Variants in RARB observed in about 807,000 individuals in gnomAD.
RARB encodes the protein HBV-activated protein.
Under a neutral mutation model 51.9 loss-of-function variants are expected in RARB, and 17 were observed. The observed-to-expected ratio is 0.33, with a 90% CI of 0.22 to 0.49. RARB has a LOEUF of 0.49. RARB is among the 20% of genes least tolerant of loss of function. The probability of loss-of-function intolerance (pLI) is 0.99; values close to 1 mark genes in which losing one functional copy is unlikely to be tolerated. For synonymous variants in RARB, 215 were observed against 195.4 expected, an observed-to-expected ratio of 1.10 and a Z score of -0.84; for missense variants, 369 against 550.8, an observed-to-expected ratio of 0.67 and a Z score of 3.30.
intron 4 of RARB, among the ~76,000 whole-genome samples, chr3:25,163,504 A>AAAAAAAAAAAATATATATATATATAT (rs1303712411): frequency 7.6e-6 from 1 of 131,096 alleles, no homozygotes; most frequent in African/African-American, 3.2e-5. Flanking sequence ...CCTATCTCAA[A>AAAAAAAAAAAATATATATATATATAT]ATATATATAT....
Position 25,519,593 on chromosome 3 carries a change from G to A in RARB, c.448+18270G>A, listed in dbSNP as rs1698316927. ...TATAAAACAAAATTATGCACAGTTT[G>A]ATCTCATATTTGTAACAACACATAA... On this transcript the variant is annotated intron_variant, in intron 3 of 7. Coordinates refer to ENST00000330688, the MANE Select transcript of RARB (RefSeq NM_000965.5). Among the ~76,000 whole-genome samples the A allele has an allele frequency of 2.6e-5, 4 of 152,210 alleles. No individual in the cohort carries two copies. The South Asian group carries it at 8.3e-4, about 32-fold the overall frequency.
At chr3:25,345,884 G>A in intron 5 of RARB, 4 of 912,814 alleles carry the variant, frequency 4.4e-6, no homozygotes, top group Non-Finnish European at 5.2e-6. Flanking sequence ...CACTAAATAT[G>A]TATAATTATC....
intron 5 of RARB, among the ~76,000 whole-genome samples, chr3:25,289,553 G>C (rs757042362): frequency 2.0e-5 from 3 of 152,214 alleles, no homozygotes; most frequent in Non-Finnish European, 2.9e-5. Flanking sequence ...TTTGGCAAAA[G>C]AGGATTCTGT....
chr3:25,165,026 A>C (rs1260096319), intron 4 of RARB, among the ~76,000 whole-genome samples: 2 of 152,294 alleles, frequency 1.3e-5, no homozygotes, highest in South Asian at 2.1e-4. Flanking sequence ...TAAAAGGGGC[A>C]GTTAAGTACT....
intron 3 of RARB, among the ~76,000 whole-genome samples, chr3:25,090,216 T>A (rs1012186674): frequency 6.6e-6 from 1 of 152,104 alleles, no homozygotes; most frequent in African/African-American, 2.4e-5. Context: ...AAGAACTTCA[T>A]TCAAAATAAA....
intron 5 of RARB, among the ~76,000 whole-genome samples, chr3:25,247,235 A>T (rs1290336993): frequency 6.6e-6 from 1 of 152,236 alleles, no homozygotes; most frequent in Non-Finnish European, 1.5e-5. Context: ...TATTCAAGCC[A>T]GTGGGTCTTA....
intron 3 of RARB, among the ~76,000 whole-genome samples, chr3:25,537,678 A>C (rs1009404811): frequency 5.3e-5 from 8 of 152,126 alleles, no homozygotes; most frequent in Non-Finnish European, 1.2e-4. Context: ...TATGGGCCCA[A>C]CTCTGAATCA....
chr3:24,897,871 C>T (rs1703512317), intron 2 of RARB, among the ~76,000 whole-genome samples: 1 of 151,872 alleles, frequency 6.6e-6, no homozygotes, highest in Non-Finnish European at 1.5e-5. Context: ...TTGTGAATTG[C>T]CAAGAAGACA....
In RARB at chr3:24,849,449, C is replaced by T. The variant is rs376509172; in HGVS notation, c.-458-9225C>T. On this transcript the variant is annotated intron_variant, in intron 1 of 11. Coordinates refer to the RARB transcript ENST00000383772. ...TCGCTACTTATGTTCTATAAAGTCA[C>T]CAAGATTGCTGCCTTAGCAAATATA... 9.8e-5 allele frequency among the ~76,000 whole-genome samples: 15 copies of T among 152,350 alleles called. No homozygotes were observed. The South Asian group carries it at 2.7e-3, about 27-fold the overall frequency.
chr3:25,075,564 AG>A (rs1698855274), intron 3 of RARB, among the ~76,000 whole-genome samples: 1 of 152,066 alleles, frequency 6.6e-6, no homozygotes, highest in Non-Finnish European at 1.5e-5. Flanking sequence ...CATTATAGCT[AG>A]GGGGAAATAT....
chr3:25,476,353 G>A (rs1695941629), intron 2 of RARB, among the ~76,000 whole-genome samples: 1 of 152,142 alleles, frequency 6.6e-6, no homozygotes, highest in Admixed American at 6.6e-5. Context: ...ACTGGATAAA[G>A]GGTCCCCTCC....
At position 25,230,432 on chromosome 3, in the gene RARB, A is replaced by T. The variant is rs184107201; in HGVS notation, c.178+55857A>T. Among the ~76,000 whole-genome samples the T allele has an allele frequency of 9.5e-3, 1,448 of 152,214 alleles. 9 individuals are homozygous for T. The highest frequency in any genetic ancestry group is 0.017 in the Middle Eastern group (5 of 294). Reference sequence around the variant, plus strand: ...CCAAATCTCAGGGAGCTAGAATGACATGAAGAAACAAGCATAATGTCCTAT... The same window carrying T: ...CCAAATCTCAGGGAGCTAGAATGACTTGAAGAAACAAGCATAATGTCCTAT... On this transcript the variant is annotated intron_variant, in intron 5 of 11. Coordinates refer to the RARB transcript ENST00000383772.
intron 5 of RARB, among the ~76,000 whole-genome samples, chr3:25,273,385 A>C (rs527578177): frequency 6.8e-4 from 103 of 152,284 alleles, no homozygotes; most frequent in Admixed American, 1.7e-3. Context: ...CACCTAATGG[A>C]AACTAAGGTG....
intron 3 of RARB, among the ~76,000 whole-genome samples, chr3:25,094,481 C>A (rs1483446679): frequency 6.6e-6 from 1 of 151,990 alleles, no homozygotes; most frequent in Admixed American, 6.6e-5. Flanking sequence ...CTTTGGGAGG[C>A]CAAGGTGGGT....
At chr3:25,355,456 A>G (rs570866177) in intron 5 of RARB, among the ~76,000 whole-genome samples, 1 of 152,258 alleles carries the variant, frequency 6.6e-6, no homozygotes, top group East Asian at 1.9e-4. Context: ...CACTTCAGTC[A>G]TAGCCCCTTA....
intron 3 of RARB, among the ~76,000 whole-genome samples, chr3:25,542,299 A>T (rs973923948): frequency 6.6e-6 from 1 of 152,236 alleles, no homozygotes; most frequent in African/African-American, 2.4e-5. Context: ...AAAATCTTTT[A>T]AAAAATGATT....
At chr3:25,249,770 G>A (rs1349994149) in intron 5 of RARB, among the ~76,000 whole-genome samples, 1 of 151,806 alleles carries the variant, frequency 6.6e-6, no homozygotes, top group Non-Finnish European at 1.5e-5. Context: ...GTTGTTAGTG[G>A]AGGCTGTGAT....
intron 3 of RARB, among the ~76,000 whole-genome samples, chr3:25,106,284 TTTA>T (rs906418571): frequency 3.2e-5 from 1 of 31,504 alleles, no homozygotes; most frequent in African/African-American, 1.3e-4. Flanking sequence ...GTAAAATTCT[TTTA>T]TTTTTTTTGA....
At chr3:25,289,861 G>T (rs1328246757) in intron 5 of RARB, among the ~76,000 whole-genome samples, 1 of 152,168 alleles carries the variant, frequency 6.6e-6, no homozygotes, top group Non-Finnish European at 1.5e-5. Flanking sequence ...CCAGTAAACA[G>T]TTCTTAACCG....
Sources: allele counts gnomAD v4.1 joint callset (sites outside exome capture counted in the v4.1 genomes callset), GRCh38; gene constraint gnomAD v4.1.1; transcripts MANE v1.5; gene names NCBI Gene and HGNC (gene_info 2026-07-23, HGNC 2026-07-21).